The following ADAMTS6 variants were observed in gnomAD, a reference collection of about 807,000 sequenced individuals.
The protein encoded by ADAMTS6 is ADAM metallopeptidase with thrombospondin type 1 motif 6.
Under a neutral mutation model 144.3 loss-of-function variants are expected in ADAMTS6, and 23 were observed. The observed-to-expected ratio is 0.16, with a 90% confidence interval of 0.11 to 0.23. ADAMTS6 has a LOEUF of 0.23. Ranked by LOEUF, ADAMTS6 falls within the 10% of genes least tolerant of loss-of-function variation. The pLI, the probability that ADAMTS6 is intolerant of heterozygous loss-of-function variation, is 1.00. For missense variants in ADAMTS6, 999 were observed against 1,379.6 expected (o/e 0.72, Z 4.37); for synonymous variants, 444 against 457.5 (o/e 0.97, Z 0.38).
chr5:65,374,593 C>T (rs1751320696), intron 7 of ADAMTS6, among the ~76,000 whole-genome samples: 1 of 151,942 alleles, frequency 6.6e-6, no homozygotes, highest in Admixed American at 6.6e-5. Context: ...CAAACCACTG[C>T]TCAAGGAAAT....
intron 7 of ADAMTS6, among the ~76,000 whole-genome samples, chr5:65,427,659 G>A (rs1037163649): frequency 1.3e-5 from 2 of 151,742 alleles, no homozygotes; most frequent in Admixed American, 6.6e-5. Flanking sequence ...TAAGCCGGGC[G>A]TGGTGGCGGG....
intron 7 of ADAMTS6, among the ~76,000 whole-genome samples, chr5:65,344,005 T>A (rs1008323332): frequency 1.3e-5 from 2 of 152,048 alleles, no homozygotes; most frequent in Non-Finnish European, 2.9e-5. Flanking sequence ...ATTAAAGATT[T>A]ACCATTTGTA....
intron 11 of ADAMTS6, among the ~76,000 whole-genome samples, chr5:65,279,292 G>A (rs1762806847): frequency 6.6e-6 from 1 of 151,190 alleles, no homozygotes. Context: ...ATCTGCTTTG[G>A]GACAATTTCA....
intron 7 of ADAMTS6, among the ~76,000 whole-genome samples, chr5:65,386,878 C>T (rs1752517891): frequency 6.6e-6 from 1 of 152,196 alleles, no homozygotes; most frequent in Non-Finnish European, 1.5e-5. Context: ...TGAGCCACTG[C>T]ACCCAGCCAA....
chr5:65,356,642 CA>C (rs1749351490), intron 7 of ADAMTS6, among the ~76,000 whole-genome samples: 2 of 151,958 alleles, frequency 1.3e-5, no homozygotes, highest in Admixed American at 1.3e-4. Flanking sequence ...TATGCATTAT[CA>C]TTACTGCCAA....
Position 65,260,521 on chromosome 5 carries a change from T to C in ADAMTS6, c.1830+79A>G, listed in dbSNP as rs547145825. 38 of 1,116,288 alleles carry C rather than the reference T, an allele frequency of 3.4e-5. No individual in the cohort carries two copies. The African/African-American group carries it at 6.0e-4, about 18-fold the overall frequency. The allele number at this position is 1,116,288 out of a possible 1,614,324, so 69.1% of individuals were successfully genotyped here. A position where few individuals can be genotyped will look rare whatever the true frequency, so the allele number is the denominator to read the frequency against. ...TCACACACATGTATTTCTTATCAAA[T>C]AGTTTAAAATTAAAAAAATTTCCCT... is the stretch of plus-strand genomic sequence containing the variant. On this transcript the variant is annotated intron_variant, in intron 14 of 24. Coordinates refer to ENST00000381055, the MANE Select transcript of ADAMTS6 (RefSeq NM_197941.4).
chr5:65,256,959 TTTTCTC>T (rs1468068955), intron 14 of ADAMTS6, among the ~76,000 whole-genome samples: 1 of 141,688 alleles, frequency 7.1e-6, no homozygotes, highest in Non-Finnish European at 1.5e-5. Context: ...AAGGGTCACT[TTTTCTC>T]TCTCTCTCTC....
intron 7 of ADAMTS6, among the ~76,000 whole-genome samples, chr5:65,444,460 T>C (rs564463287): frequency 6.6e-6 from 1 of 152,108 alleles, no homozygotes; most frequent in Non-Finnish European, 1.5e-5. Flanking sequence ...TATATACCAG[T>C]GAAAAACTAT....
At chr5:65,171,102 C>T (rs1027783320) in intron 23 of ADAMTS6, among the ~76,000 whole-genome samples, 2 of 151,914 alleles carry the variant, frequency 1.3e-5, no homozygotes, top group African/African-American at 4.8e-5. Flanking sequence ...CTCTGCCTCC[C>T]GGGTTCACAC....
chr5:65,246,855 G>A (rs1345043970), intron 14 of ADAMTS6, among the ~76,000 whole-genome samples: 1 of 152,110 alleles, frequency 6.6e-6, no homozygotes, highest in Non-Finnish European at 1.5e-5. Context: ...ATTAAAAATA[G>A]ACTCAGTTGG....
intron 21 of ADAMTS6, among the ~76,000 whole-genome samples, chr5:65,193,876 G>A (rs1464195905): frequency 2.0e-5 from 3 of 152,188 alleles, no homozygotes; most frequent in South Asian, 2.1e-4. Flanking sequence ...TCTACTAAAC[G>A]TTGTCAAAGA....
rs371866812 is a variant in ADAMTS6 at position 65,327,754 on chromosome 5, C to A, written c.1223+1624G>T. Among the ~76,000 whole-genome samples the A allele has an allele frequency of 7.9e-5, 12 of 152,228 alleles. No individual in the cohort carries two copies. In the East Asian group the frequency reaches 1.5e-3, roughly 20 times the overall value. ...TATAAAAGATACAAAGAAAGATAAA[C>A]CCTTACCTCAGCTATTTAAGTACGT... On this transcript the variant is annotated intron_variant, in intron 9 of 24. Transcript: ENST00000381055.
At chr5:65,365,471 C>A (rs1750219011) in intron 7 of ADAMTS6, among the ~76,000 whole-genome samples, 1 of 151,938 alleles carries the variant, frequency 6.6e-6, no homozygotes, top group South Asian at 2.1e-4. Context: ...CATGGTGAAA[C>A]CCCATCTCTA....
chr5:65,306,949 C>T (rs1743993819), intron 9 of ADAMTS6, among the ~76,000 whole-genome samples: 1 of 152,152 alleles, frequency 6.6e-6, no homozygotes. Flanking sequence ...GACTGTAACA[C>T]AGTAGCAAAT....
intron 9 of ADAMTS6, among the ~76,000 whole-genome samples, chr5:65,305,192 C>T (rs1264794415): frequency 6.6e-6 from 1 of 152,094 alleles, no homozygotes; most frequent in Non-Finnish European, 1.5e-5. Flanking sequence ...AAAATCTTTA[C>T]TATTTTTGAA....
chr5:65,388,129 G>T (rs746972339), intron 7 of ADAMTS6, among the ~76,000 whole-genome samples: 3 of 152,100 alleles, frequency 2.0e-5, no homozygotes, highest in Admixed American at 6.6e-5. Context: ...AGAATCGCTT[G>T]AACCCAGGAG....
At chr5:65,474,275 A>T (rs1204850398) in intron 1 of ADAMTS6, among the ~76,000 whole-genome samples, 5 of 152,148 alleles carry the variant, frequency 3.3e-5, no homozygotes, top group Non-Finnish European at 7.4e-5. Context: ...AAATCGGCTG[A>T]CTTCACTACT....
intron 7 of ADAMTS6, among the ~76,000 whole-genome samples, chr5:65,339,156 A>T (rs1747586519): frequency 6.6e-6 from 1 of 152,224 alleles, no homozygotes; most frequent in African/African-American, 2.4e-5. Flanking sequence ...CCTGAGAAAT[A>T]GCCCAGCAAG....
At chr5:65,215,064 A>G (rs1452833234) in intron 19 of ADAMTS6, 132 bp from the exon 20 acceptor site, 6 of 1,223,844 alleles carry the variant, frequency 4.9e-6, no homozygotes, top group Non-Finnish European at 3.3e-6. Context: ...ACATGCATTT[A>G]TATCAAATTT....
Sources: gnomAD v4.1 joint callset for allele counts (sites outside exome capture counted in the v4.1 genomes callset) on GRCh38, gnomAD v4.1.1 for gene constraint, MANE v1.5 for transcripts, NCBI Gene and HGNC (gene_info 2026-07-23, HGNC 2026-07-21) for gene names.